Variants in PLVAP observed in about 807,000 individuals in gnomAD.
PLVAP encodes plasmalemma vesicle associated protein, also known as plasmalemma vesicle-associated protein.
A neutral mutation model predicts 43.1 loss-of-function variants in PLVAP; 34 were observed. The ratio of observed to expected loss-of-function variants is 0.79; its 90% CI spans 0.60 to 1.05. PLVAP has a LOEUF of 1.05. Ranked by LOEUF, PLVAP falls within the 50% of genes least tolerant of loss-of-function variation. The probability of loss-of-function intolerance (pLI) is 0.00; values close to 1 mark genes in which losing one functional copy is unlikely to be tolerated. For synonymous variants in PLVAP, 241 were observed against 237.3 expected (o/e 1.02, Z -0.14); for missense variants, 574 against 593.4 (o/e 0.97, Z 0.34).
In PLVAP at chr19:17,365,997, G is replaced by A. The variant is rs1599575982; in HGVS notation, c.468C>T (p.Ala156=). 1 of 1,612,548 alleles carries A rather than the reference G, an allele frequency of 6.2e-7. No individual in the cohort carries two copies. Among genetic ancestry groups the A allele is most frequent in the East Asian group, 2.2e-5 (1 of 44,842 alleles). The part of the protein sequence containing the change: ...QFKDMNKSCD[A]LLFMLNQKVK... Reference sequence around the variant, plus strand: ...CCTTCTGATTCAGCATGAAGAGCAAGGCTAAGGAAAACAGGACCAGGAGAC... The same window carrying A: ...CCTTCTGATTCAGCATGAAGAGCAAAGCTAAGGAAAACAGGACCAGGAGAC... The change falls in exon 3 of 6, where the codon GCC becomes GCT. Residue 156 remains alanine (A), a splice_region_variant and synonymous_variant. Coordinates refer to ENST00000252590, the MANE Select transcript of PLVAP (RefSeq NM_031310.3).
At chr19:17,363,749 T>A (rs1318842607) in intron 3 of PLVAP, among the ~76,000 whole-genome samples, 1 of 150,768 alleles carries the variant, frequency 6.6e-6, no homozygotes, top group Admixed American at 6.6e-5. Context: ...TAATTTTTTT[T>A]TTTTTTTTTT....
chr19:17,368,890 T>C (rs1226374211), intron 1 of PLVAP, among the ~76,000 whole-genome samples: 3 of 152,214 alleles, frequency 2.0e-5, no homozygotes, highest in South Asian at 2.1e-4. Flanking sequence ...AGGCAGAGAA[T>C]TGCTTGAACT....
At position 17,377,112 on chromosome 19, in the gene PLVAP, G is replaced by T. The variant is rs763699280; in HGVS notation, c.177C>A (p.Asn59Lys). The part of the protein sequence containing the change: ...YGNVHVSTES[N>K]LQATERRAEG... ...CGGCTCGGCGCTCGGTGGCCTGCAG[G>T]TTGGACTCTGTGCTCACGTGCACGT... is the stretch of plus-strand genomic sequence containing the variant. Residue 59 changes from asparagine (N) to lysine (K), a missense_variant, in exon 1 of 6, where the codon AAC (asparagine) becomes AAA (lysine). Coordinates refer to ENST00000252590, the MANE Select transcript of PLVAP (RefSeq NM_031310.3). The T allele has an allele frequency of 1.2e-6, 2 of 1,614,170 alleles. No individual in the cohort carries two copies. The highest frequency in any genetic ancestry group is 1.7e-6 in the Non-Finnish European group (2 of 1,180,018).
rs557938919 is a variant in PLVAP, at chr19:17,352,158, C to T, written c.*204G>A. On this transcript the variant is annotated 3_prime_UTR_variant, in exon 6 of 6. Transcript: ENST00000252590. Reference sequence around the variant, plus strand: ...GCTTGCGTGACGTCATCTCCGCGGCCGTGTGCTCTGGGTGAGGGATCGTGA... The same window carrying T: ...GCTTGCGTGACGTCATCTCCGCGGCTGTGTGCTCTGGGTGAGGGATCGTGA... 11 of 653,092 alleles carry T rather than the reference C, an allele frequency of 1.7e-5. No homozygotes were observed. Among genetic ancestry groups the T allele is most frequent in the African/African-American group, 1.6e-4 (9 of 55,224 alleles). The allele number at this position is 653,092 out of a possible 1,614,324, so 40.5% of individuals were successfully genotyped here. A position where few individuals can be genotyped will look rare whatever the true frequency, so the allele number is the denominator to read the frequency against.
chr19:17,364,451 T>C (rs1479540982), intron 3 of PLVAP, among the ~76,000 whole-genome samples: 1 of 152,118 alleles, frequency 6.6e-6, no homozygotes, highest in East Asian at 1.9e-4. Flanking sequence ...TCCTTCCACC[T>C]TGGCCTCCCA....
At chr19:17,373,442 CT>C (rs1302882768) in intron 1 of PLVAP, among the ~76,000 whole-genome samples, 1 of 152,080 alleles carries the variant, frequency 6.6e-6, no homozygotes, top group African/African-American at 2.4e-5. Flanking sequence ...GGGGGCTGAG[CT>C]TACCTTCCTG....
At chr19:17,366,274 C>A in intron 1 of PLVAP, 79 bp from the exon 2 acceptor site, 2 of 1,393,870 alleles carry the variant, frequency 1.4e-6, no homozygotes, top group Non-Finnish European at 2.0e-6. Context: ...AGATCGAGCA[C>A]CCTGGTGGCC....
At chr19:17,376,350 T>C (rs1034487397) in intron 1 of PLVAP, among the ~76,000 whole-genome samples, 2 of 151,288 alleles carry the variant, frequency 1.3e-5, no homozygotes, top group Non-Finnish European at 2.9e-5. Context: ...ATTAGCTGGG[T>C]GTGGTGGTGC....
intron 1 of PLVAP, among the ~76,000 whole-genome samples, chr19:17,376,583 A>G (rs2074596130): frequency 6.6e-6 from 1 of 152,066 alleles, no homozygotes; most frequent in Non-Finnish European, 1.5e-5. Flanking sequence ...GTATCACTTG[A>G]GGTCAGGAGT....
At chr19:17,363,367 A>C (rs928049776) in intron 3 of PLVAP, among the ~76,000 whole-genome samples, 5 of 152,098 alleles carry the variant, frequency 3.3e-5, no homozygotes, top group African/African-American at 1.2e-4. Flanking sequence ...GGGTTTCACC[A>C]TGTTGGCCAG....
intron 1 of PLVAP, among the ~76,000 whole-genome samples, chr19:17,374,819 TATGTATG>T (rs1381436924): frequency 4.5e-5 from 6 of 134,464 alleles, no homozygotes; most frequent in Non-Finnish European, 8.5e-5. Context: ...TGTATGTATG[TATGTATG>T]TATTTATTTT....
chr19:17,360,451 C>G, intron 5 of PLVAP, 77 bp downstream of exon 5: 1 of 1,452,082 alleles, frequency 6.9e-7, no homozygotes, highest in African/African-American at 1.4e-5. Context: ...AGATCAGCCT[C>G]CCTCCACCCT....
At chr19:17,374,828 A>ATT (rs1258621809) in intron 1 of PLVAP, among the ~76,000 whole-genome samples, 2 of 149,910 alleles carry the variant, frequency 1.3e-5, no homozygotes. Flanking sequence ...GTATGTATGT[A>ATT]TTTATTTTTA....
At chr19:17,376,824 G>T in intron 1 of PLVAP, 96 bp downstream of exon 1, 1 of 1,208,922 alleles carries the variant, frequency 8.3e-7, no homozygotes, top group Non-Finnish European at 1.1e-6. Context: ...TTGGTCCTGT[G>T]ATCGTCCCCC....
At chr19:17,366,975 CTT>C (rs2074553028) in intron 1 of PLVAP, among the ~76,000 whole-genome samples, 1 of 113,146 alleles carries the variant, frequency 8.8e-6, no homozygotes, top group African/African-American at 3.5e-5. Flanking sequence ...CAGGGTCTCA[CTT>C]TGTCACCCAG....
rs993046031 is a variant in PLVAP, at chr19:17,354,055, C to T, written c.1323-1687G>A. ...CTGTAATCCCAGCACTTTGGGAGGC[C>T]GAGGTGGAGGGATCATTTGAGGCTA... is the stretch of plus-strand genomic sequence containing the variant. On this transcript the variant is annotated intron_variant, in intron 5 of 5. Transcript: ENST00000252590. Among the ~76,000 whole-genome samples the T allele has an allele frequency of 2.6e-5, 4 of 151,386 alleles. No homozygotes were observed. The East Asian group carries it at 7.8e-4, about 29-fold the overall frequency.
At chr19:17,366,509 C>T (rs7248564) in intron 1 of PLVAP, among the ~76,000 whole-genome samples, 73,237 of 152,000 alleles carry the variant, frequency 0.48, 17,756 homozygotes, top group African/African-American at 0.55. Context: ...TTTGTCTGAT[C>T]TTCAAAAGCT....
intron 5 of PLVAP, among the ~76,000 whole-genome samples, chr19:17,358,930 G>C (rs1188631312): frequency 6.6e-6 from 1 of 151,718 alleles, no homozygotes; most frequent in East Asian, 1.9e-4. Flanking sequence ...CTCCTGAGTA[G>C]CTCGGACTAC....
At position 17,377,328 on chromosome 19, in the gene PLVAP, CA is replaced by C; in HGVS notation, c.-41del. 3.9e-6 allele frequency: 6 copies of C among 1,521,968 alleles called. No individual in the cohort carries two copies. The highest frequency in any genetic ancestry group is 5.4e-6 in the Non-Finnish European group (6 of 1,106,866). 94.3% of individuals were successfully genotyped at this position (1,521,968 alleles called of 1,614,324 possible). A position where few individuals can be genotyped will look rare whatever the true frequency, so the allele number is the denominator to read the frequency against. On this transcript the variant is annotated 5_prime_UTR_variant, in exon 1 of 6. Coordinates refer to ENST00000252590, the MANE Select transcript of PLVAP (RefSeq NM_031310.3). Reference sequence around the variant, plus strand: ...CGTCCGGTGCACCGTCCCTGCTCACCACCAGGCCTGCTCTGGCCCCCGCCTC... The same window carrying C: ...CGTCCGGTGCACCGTCCCTGCTCACCCCAGGCCTGCTCTGGCCCCCGCCTC...
Sources: gnomAD v4.1 joint callset for allele counts (sites outside exome capture counted in the v4.1 genomes callset) on GRCh38, gnomAD v4.1.1 for gene constraint, MANE v1.5 for transcripts, NCBI Gene and HGNC (gene_info 2026-07-23, HGNC 2026-07-21) for gene names.